Variants in TENM1 observed in about 807,000 individuals in gnomAD.
TENM1 encodes teneurin-1.
TENM1 carries 35 observed loss-of-function variants against 174.8 expected under a neutral mutation model. The ratio of observed to expected loss-of-function variants is 0.20; its 90% confidence interval spans 0.15 to 0.27. TENM1 has a LOEUF of 0.27. Among genes scored for constraint, TENM1 ranks in the 10% least tolerant of loss-of-function variants. The pLI is 1.00. For synonymous variants in TENM1, 781 were observed against 798.7 expected (o/e 0.98, Z 0.37); for missense variants, 1,633 against 2,130.1 (o/e 0.77, Z 4.59).
At chrX:124,575,201 C>T (rs1476880895) in intron 11 of TENM1, among the ~76,000 whole-genome samples, 1 of 111,758 alleles carries the variant, frequency 8.9e-6, no homozygotes, top group African/African-American at 3.2e-5. Context: ...AAGTACCTTG[C>T]TATGATAAAG....
chrX:125,135,399 A>AATTAAAGTTCTC, the TENM1 span, among the ~76,000 whole-genome samples: 1 of 110,887 alleles, frequency 9.0e-6, no homozygotes, highest in Non-Finnish European at 1.9e-5. Flanking sequence ...GAAGTTTAAA[A>AATTAAAGTTCTC]ATTAAAGTTC....
At chrX:124,392,421 ATCCT>A in intron 27 of TENM1, 73 bp from the exon 31 acceptor site, 3 of 854,468 alleles carry the variant, frequency 3.5e-6, no homozygotes, top group Non-Finnish European at 5.0e-6. Flanking sequence ...ACAATCATGA[ATCCT>A]TTCCTGATTA....
the TENM1 span, among the ~76,000 whole-genome samples, chrX:125,192,452 G>A: frequency 3.6e-5 from 4 of 112,093 alleles, no homozygotes; most frequent in Admixed American, 9.5e-5. Context: ...TCTTGTTTAA[G>A]TTTTAAAATG....
intron 23 of TENM1, among the ~76,000 whole-genome samples, chrX:124,445,463 G>T (rs2060955884): frequency 8.9e-6 from 1 of 112,039 alleles, no homozygotes; most frequent in Admixed American, 9.5e-5. Context: ...TAATATATGA[G>T]GACAAAGTTT....
the TENM1 span, among the ~76,000 whole-genome samples, chrX:125,162,694 T>C: frequency 8.9e-6 from 1 of 112,030 alleles, no homozygotes; most frequent in Middle Eastern, 4.6e-3. Flanking sequence ...GCTGGCTCTC[T>C]ATATTCCCTC....
intron 11 of TENM1, among the ~76,000 whole-genome samples, chrX:124,633,160 C>T (rs1055023241): frequency 1.8e-5 from 2 of 112,039 alleles, no homozygotes; most frequent in Non-Finnish European, 3.8e-5. Flanking sequence ...ATCTAGAATT[C>T]AGAATAAGAG....
the TENM1 span, among the ~76,000 whole-genome samples, chrX:125,041,359 A>C: frequency 9.0e-6 from 1 of 111,288 alleles, no homozygotes; most frequent in South Asian, 3.7e-4. Flanking sequence ...TTCTCCACAA[A>C]AAAAGGCTCC....
At chrX:124,689,388 A>C (rs1199852691) in intron 5 of TENM1, among the ~76,000 whole-genome samples, 2 of 112,342 alleles carry the variant, frequency 1.8e-5, no homozygotes, top group African/African-American at 3.2e-5. Context: ...TGTCCAACAA[A>C]TGGGATCAGT....
the TENM1 span, among the ~76,000 whole-genome samples, chrX:125,042,278 T>C: frequency 2.7e-5 from 3 of 111,772 alleles, no homozygotes; most frequent in Non-Finnish European, 1.9e-5. Flanking sequence ...GAGGTTTGAA[T>C]CAGGCTTGTG....
chrX:124,639,452 G>T (rs2050958004), intron 11 of TENM1, among the ~76,000 whole-genome samples: 2 of 111,789 alleles, frequency 1.8e-5, no homozygotes, highest in African/African-American at 6.5e-5. Flanking sequence ...TCCCTCCTTT[G>T]TGCTCTGTGA....
At chrX:125,117,301 C>T in the TENM1 span, among the ~76,000 whole-genome samples, 1 of 112,079 alleles carries the variant, frequency 8.9e-6, no homozygotes, top group Admixed American at 9.5e-5. Context: ...CCCACCAACC[C>T]AAATGTCCAA....
intron 1 of TENM1, among the ~76,000 whole-genome samples, chrX:124,932,199 TA>T (rs754773645): frequency 1.3e-4 from 15 of 111,806 alleles, no homozygotes; most frequent in Non-Finnish European, 1.1e-4. Context: ...TAAGCCAAAC[TA>T]GAGTTCAATA....
the TENM1 span, among the ~76,000 whole-genome samples, chrX:125,038,654 C>T: frequency 9.0e-6 from 1 of 110,934 alleles, no homozygotes; most frequent in African/African-American, 3.3e-5. Flanking sequence ...CCTATGTCTA[C>T]AGTAGGCAAT....
At chrX:124,705,732 A>G (rs775066810) in intron 4 of TENM1, among the ~76,000 whole-genome samples, 52 of 112,354 alleles carry the variant, frequency 4.6e-4, no homozygotes, top group African/African-American at 1.6e-3. Flanking sequence ...TCAAATATAC[A>G]GCCAAGTTGA....
intron 1 of TENM1, among the ~76,000 whole-genome samples, chrX:124,918,239 G>A (rs1405058968): frequency 9.1e-6 from 1 of 109,476 alleles, no homozygotes; most frequent in Non-Finnish European, 1.9e-5. Flanking sequence ...GAGTGCAGTG[G>A]CATGATCTCG....
intron 4 of TENM1, among the ~76,000 whole-genome samples, chrX:124,710,578 A>G (rs930225081): frequency 8.9e-6 from 1 of 112,095 alleles, no homozygotes; most frequent in Non-Finnish European, 1.9e-5. Flanking sequence ...CCTGATGTAC[A>G]CCAAAGGATT....
At chrX:124,956,516 A>G (rs948214430) in intron 1 of TENM1, among the ~76,000 whole-genome samples, 5 of 112,330 alleles carry the variant, frequency 4.5e-5, no homozygotes, top group African/African-American at 1.3e-4. Flanking sequence ...GAGCAGTGGC[A>G]CAAGTGTCAT....
intron 6 of TENM1, among the ~76,000 whole-genome samples, chrX:124,659,870 A>G: frequency 9.0e-6 from 1 of 111,525 alleles, no homozygotes; most frequent in East Asian, 2.8e-4. Flanking sequence ...AGACAATTCA[A>G]TGGGGGAAAG....
At chrX:124,610,487 T>C (rs2050255251) in intron 11 of TENM1, among the ~76,000 whole-genome samples, 1 of 111,957 alleles carries the variant, frequency 8.9e-6, no homozygotes, top group Non-Finnish European at 1.9e-5. Context: ...TTCTGGTCTT[T>C]AACAAGTTTG....
Sources: gnomAD v4.1 joint callset for allele counts (sites outside exome capture counted in the v4.1 genomes callset) on GRCh38, gnomAD v4.1.1 for gene constraint, MANE v1.5 for transcripts, NCBI Gene and HGNC (gene_info 2026-07-23, HGNC 2026-07-21) for gene names.